Variants in USH2A observed in about 807,000 individuals in gnomAD.
The protein encoded by USH2A is Usher syndrome 2A (autosomal recessive, mild).
USH2A carries 443 observed loss-of-function variants against 538.9 expected under a neutral mutation model. The ratio of observed to expected loss-of-function variants is 0.82; its 90% CI spans 0.76 to 0.89. USH2A has a LOEUF of 0.89. Ranked by LOEUF, USH2A falls within the 40% of genes least tolerant of loss-of-function variation. The probability of loss-of-function intolerance (pLI) is 0.00; values close to 1 mark genes in which losing one functional copy is unlikely to be tolerated. For missense variants in USH2A, 6,633 were observed against 6,324.8 expected, an observed-to-expected ratio of 1.05 and a Z score of -1.65; for synonymous variants, 2,413 against 2,273.5, an observed-to-expected ratio of 1.06 and a Z score of -1.75.
At chr1:215,710,274 A>T (rs1659302314) in intron 61 of USH2A, among the ~76,000 whole-genome samples, 1 of 152,202 alleles carries the variant, frequency 6.6e-6, no homozygotes, top group African/African-American at 2.4e-5. Flanking sequence ...AGCATGAAAG[A>T]TGAGGGCTGC....
At chr1:216,177,048 T>A (rs995730352) in intron 20 of USH2A, among the ~76,000 whole-genome samples, 3 of 152,180 alleles carry the variant, frequency 2.0e-5, no homozygotes, top group Admixed American at 6.5e-5. Flanking sequence ...ATATCAGGGT[T>A]TTGTGTTTTT....
At chr1:216,247,311 T>G (rs753250387) in intron 12 of USH2A, 85 bp from the exon 13 acceptor site, 3 of 1,528,072 alleles carry the variant, frequency 2.0e-6, no homozygotes, top group Non-Finnish European at 2.7e-6. Flanking sequence ...CTACTGCAGA[T>G]GATACGAACA....
chr1:216,010,433 T>C (rs562345253), intron 32 of USH2A, among the ~76,000 whole-genome samples: 27 of 152,004 alleles, frequency 1.8e-4, no homozygotes, highest in African/African-American at 4.1e-4. Flanking sequence ...TGGCCCAAGG[T>C]TCTCTGACTG....
chr1:216,218,171 T>C (rs2035380898), intron 14 of USH2A, among the ~76,000 whole-genome samples: 1 of 152,144 alleles, frequency 6.6e-6, no homozygotes, highest in Non-Finnish European at 1.5e-5. Context: ...GGTTGGAGAA[T>C]ACAGCATTAT....
chr1:216,333,304 T>C (rs2037905318), intron 4 of USH2A, among the ~76,000 whole-genome samples: 1 of 151,564 alleles, frequency 6.6e-6, no homozygotes, highest in Non-Finnish European at 1.5e-5. Flanking sequence ...AAATAGAAAA[T>C]AGAAAACTTT....
At chr1:216,230,341 T>A (rs768572553) in intron 14 of USH2A, among the ~76,000 whole-genome samples, 6 of 152,178 alleles carry the variant, frequency 3.9e-5, no homozygotes, top group Non-Finnish European at 5.9e-5. Flanking sequence ...TACTATTTAC[T>A]GTACCATGCG....
At chr1:215,646,773 C>T (rs1262265681) in intron 67 of USH2A, among the ~76,000 whole-genome samples, 1 of 152,142 alleles carries the variant, frequency 6.6e-6, no homozygotes, top group Admixed American at 6.5e-5. Flanking sequence ...GTGATTCACC[C>T]GCCTTGGCCT....
chr1:215,759,932 A>AT lies in USH2A; in HGVS notation c.11048-90dup, dbSNP rs1458862668. On this transcript the variant is annotated intron_variant, in intron 56 of 71. Transcript: ENST00000307340. ...CACCATCCCCCCCATGAACTGTGAT[A>AT]TTTTTTCTGTTGATTTTAAAAAATA... 1.5e-5 allele frequency: 22 copies of AT among 1,493,318 alleles called. No individual in the cohort carries two copies. The African/African-American group carries it at 1.8e-4, about 12-fold the overall frequency. 92.5% of individuals were successfully genotyped at this position (1,493,318 alleles called of 1,614,324 possible).
rs111033382 is a variant in USH2A, at chr1:215,759,659, C to A, written c.11231+1G>T. ...ATTGGTAAAGTTTTCTTTTAGTTTA[C>A]CTGCTATTGGGCTCCAGGTTTTTAT... On this transcript the variant is annotated splice_donor_variant, in intron 57 of 71. Transcript: ENST00000307340. LOFTEE classifies it high-confidence loss of function. 1 of 1,613,842 alleles carries A rather than the reference C, an allele frequency of 6.2e-7. No individual in the cohort carries two copies. Among genetic ancestry groups the A allele is most frequent in the Non-Finnish European group, 8.5e-7 (1 of 1,179,816 alleles).
intron 69 of USH2A, among the ~76,000 whole-genome samples, chr1:215,637,782 AT>A (rs989493205): frequency 9.1e-4 from 138 of 151,060 alleles, no homozygotes; most frequent in East Asian, 3.1e-3. Context: ...ATTAAAAAAA[AT>A]TTTTTTTTTA....
intron 58 of USH2A, among the ~76,000 whole-genome samples, chr1:215,756,844 C>T (rs781114797): frequency 5.3e-5 from 8 of 151,902 alleles, no homozygotes; most frequent in South Asian, 2.1e-4. Context: ...ACCTGGGAGG[C>T]GGAGGTTGCT....
intron 43 of USH2A, among the ~76,000 whole-genome samples, chr1:215,874,226 C>A (rs1395258216): frequency 6.6e-6 from 1 of 152,060 alleles, no homozygotes; most frequent in Non-Finnish European, 1.5e-5. Flanking sequence ...AGTTATAGTT[C>A]CCCCAACAAC....
intron 38 of USH2A, among the ~76,000 whole-genome samples, chr1:215,914,311 G>GT (rs1665895441): frequency 6.6e-6 from 1 of 151,624 alleles, no homozygotes; most frequent in South Asian, 2.1e-4. Flanking sequence ...CTTTTTTGTT[G>GT]TTTTTCCAAG....
chr1:215,971,423 A>G (rs1667492227), intron 35 of USH2A, among the ~76,000 whole-genome samples: 1 of 152,126 alleles, frequency 6.6e-6, no homozygotes, highest in Non-Finnish European at 1.5e-5. Context: ...GGAAGGACAT[A>G]GACCCCCTTA....
At chr1:215,861,554 C>T (rs958570041) in intron 44 of USH2A, among the ~76,000 whole-genome samples, 2 of 152,174 alleles carry the variant, frequency 1.3e-5, no homozygotes, top group African/African-American at 2.4e-5. Context: ...GTGTTGTACA[C>T]GACTGCATAG....
chr1:215,906,735 AC>A (rs1320433303), intron 38 of USH2A, among the ~76,000 whole-genome samples: 1 of 152,056 alleles, frequency 6.6e-6, no homozygotes, highest in Non-Finnish European at 1.5e-5. Flanking sequence ...TGAATTTGCC[AC>A]ATCTCCAGAA....
At chr1:216,374,751 A>G (rs1191500035) in intron 3 of USH2A, among the ~76,000 whole-genome samples, 1 of 152,172 alleles carries the variant, frequency 6.6e-6, no homozygotes. Context: ...TTTGGACAGT[A>G]TAGACCCCAT....
chr1:215,884,849 C>T (rs1383568320), intron 41 of USH2A, among the ~76,000 whole-genome samples: 3 of 152,062 alleles, frequency 2.0e-5, no homozygotes, highest in Non-Finnish European at 2.9e-5. Flanking sequence ...TTCCTTGTGG[C>T]GCACCTGCCA....
rs553026913 is a variant in USH2A at position 215,841,060 on chromosome 1, G to A, written c.9259-2957C>T. On this transcript the variant is annotated intron_variant, in intron 46 of 71. Coordinates refer to ENST00000307340, the MANE Select transcript of USH2A (RefSeq NM_206933.4). ...AAGAAAATCAGAGAGGACACAAATG[G>A]AAAAACATTCCATGCTCATGGATAG... Among the ~76,000 whole-genome samples, 7 of 152,116 alleles carry A rather than the reference G, an allele frequency of 4.6e-5. No homozygotes were observed. In the South Asian group the frequency reaches 6.2e-4, roughly 14 times the overall value.
Sources: allele counts gnomAD v4.1 joint callset (sites outside exome capture counted in the v4.1 genomes callset), GRCh38; gene constraint gnomAD v4.1.1; transcripts MANE v1.5; gene names NCBI Gene and HGNC (gene_info 2026-07-23, HGNC 2026-07-21).